PTPRN2: variants seen among roughly 807,000 people sequenced by gnomAD.
PTPRN2 encodes the protein receptor-type tyrosine-protein phosphatase N2.
PTPRN2 carries 74 observed loss-of-function variants against 118.8 expected under a neutral mutation model. The ratio of observed to expected loss-of-function variants is 0.62; its 90% confidence interval spans 0.52 to 0.76. The LOEUF is 0.76. Among genes scored for constraint, PTPRN2 ranks in the 30% least tolerant of loss-of-function variants. PTPRN2 has a pLI of 0.00. For synonymous variants in PTPRN2, 641 were observed against 608.0 expected, an observed-to-expected ratio of 1.05 and a Z score of -0.80; for missense variants, 1,481 against 1,394.4, an observed-to-expected ratio of 1.06 and a Z score of -0.99.
At chr7:158,082,416 C>G (rs2128932267) in intron 10 of PTPRN2, among the ~76,000 whole-genome samples, 1 of 152,304 alleles carries the variant, frequency 6.6e-6, no homozygotes, top group East Asian at 1.9e-4. Context: ...TACCTCAGTC[C>G]CAACCTCTGG....
At position 157,788,754 on chromosome 7, in the gene PTPRN2, C is replaced by T. The variant is rs74410133; in HGVS notation, c.1789-105817G>A. ...GCCACCCCACTGCCACGCGGGAGGC[C>T]TCGGGGGCCACATCTCCGCCATAGG... On this transcript the variant is annotated intron_variant, in intron 12 of 22. Transcript: ENST00000389418. 0.01 allele frequency among the ~76,000 whole-genome samples: 1,566 copies of T among 152,248 alleles called. 57 individuals are homozygous for T. In the South Asian group the frequency reaches 0.12, roughly 12 times the overall value.
At chr7:157,936,332 CCT>C (rs1307914422) in intron 11 of PTPRN2, among the ~76,000 whole-genome samples, 1 of 152,186 alleles carries the variant, frequency 6.6e-6, no homozygotes, top group African/African-American at 2.4e-5. Context: ...GCTCTGTGCC[CCT>C]GTCACGTTCA....
At chr7:157,652,713 C>T (rs1361893173) in intron 14 of PTPRN2, among the ~76,000 whole-genome samples, 2 of 152,230 alleles carry the variant, frequency 1.3e-5, no homozygotes, top group African/African-American at 4.8e-5. Flanking sequence ...CCTGGTGACA[C>T]CCAGTGGCTG....
At chr7:157,991,442 G>T (rs2128845463) in intron 11 of PTPRN2, among the ~76,000 whole-genome samples, 1 of 152,302 alleles carries the variant, frequency 6.6e-6, no homozygotes, top group Non-Finnish European at 1.5e-5. Flanking sequence ...GTGGAGTCCT[G>T]GCCCCACCCA....
chr7:157,946,074 A>G (rs1282690614), intron 11 of PTPRN2, among the ~76,000 whole-genome samples: 4 of 152,168 alleles, frequency 2.6e-5, no homozygotes, highest in African/African-American at 9.7e-5. Flanking sequence ...CAAACTTAGA[A>G]GCTCCTGGTT....
intron 16 of PTPRN2, among the ~76,000 whole-genome samples, chr7:157,602,256 A>G (rs1247783772): frequency 6.6e-6 from 1 of 152,266 alleles, no homozygotes; most frequent in East Asian, 1.9e-4. Flanking sequence ...CTCAAAGCTG[A>G]ACATGCTCAC....
At chr7:157,702,499 C>G (rs1475717806) in intron 12 of PTPRN2, among the ~76,000 whole-genome samples, 1 of 152,182 alleles carries the variant, frequency 6.6e-6, no homozygotes, top group Non-Finnish European at 1.5e-5. Context: ...GTGGGGAGCA[C>G]AGGGCTGCCT....
intron 3 of PTPRN2, among the ~76,000 whole-genome samples, chr7:158,281,571 T>C (rs1799425809): frequency 6.6e-6 from 1 of 152,208 alleles, no homozygotes; most frequent in Non-Finnish European, 1.5e-5. Context: ...TGCATGGAAA[T>C]GCTCGGGTGT....
intron 4 of PTPRN2, among the ~76,000 whole-genome samples, chr7:158,195,741 T>C (rs902403698): frequency 6.6e-6 from 1 of 152,224 alleles, no homozygotes; most frequent in Non-Finnish European, 1.5e-5. Context: ...CATGAAATTT[T>C]CCTGTCTCCT....
intron 6 of PTPRN2, among the ~76,000 whole-genome samples, chr7:158,146,438 T>G (rs544257621): frequency 7.8e-4 from 118 of 152,192 alleles, no homozygotes; most frequent in African/African-American, 2.7e-3. Context: ...TAAGAAATAA[T>G]AGGCTGGGCT....
intron 11 of PTPRN2, among the ~76,000 whole-genome samples, chr7:157,905,121 G>T (rs1369801735): frequency 1.3e-5 from 2 of 152,198 alleles, no homozygotes; most frequent in East Asian, 3.8e-4. Context: ...TCCTCTCGCG[G>T]GACTTTTGCC....
At chr7:158,318,279 A>C (rs1463167776) in intron 2 of PTPRN2, among the ~76,000 whole-genome samples, 1 of 152,154 alleles carries the variant, frequency 6.6e-6, no homozygotes, top group Non-Finnish European at 1.5e-5. Flanking sequence ...GAGGAGGGAG[A>C]AAGGGGCAAA....
intron 11 of PTPRN2, among the ~76,000 whole-genome samples, chr7:157,922,091 G>T (rs1238236442): frequency 6.6e-6 from 1 of 152,226 alleles, no homozygotes; most frequent in Non-Finnish European, 1.5e-5. Flanking sequence ...TTGAAGTGCA[G>T]ATGTCCCTGG....
intron 1 of PTPRN2, among the ~76,000 whole-genome samples, chr7:158,496,813 A>T (rs1563360011): frequency 2.0e-3 from 1 of 498 alleles, no homozygotes; most frequent in Admixed American, 0.036. Context: ...CCTTCCCTGC[A>T]GCCTCCCCTC....
At chr7:157,630,938 GT>G (rs911309918) in intron 14 of PTPRN2, among the ~76,000 whole-genome samples, 1 of 152,234 alleles carries the variant, frequency 6.6e-6, no homozygotes, top group Non-Finnish European at 1.5e-5. Context: ...GAACTGGGAA[GT>G]GGTCAACACA....
At chr7:157,652,344 A>G (rs529118105) in intron 14 of PTPRN2, among the ~76,000 whole-genome samples, 1 of 152,246 alleles carries the variant, frequency 6.6e-6, no homozygotes, top group South Asian at 2.1e-4. Context: ...TTTTACCCTC[A>G]CAGGAACCCC....
In PTPRN2 at chr7:157,615,836, C is replaced by G; in HGVS notation, c.2344+5526G>C. On this transcript the variant is annotated intron_variant, in intron 15 of 22. Transcript: ENST00000389418. This position sits in a 1 kb window ranked among gnomAD's most constrained non-coding sequence, Gnocchi z 4.3. ...TCACCAACGGGGGGTGGGGGGTGCG[C>G]GAGGCCCTGGGCTCCACCGAAGACC... 2.8e-6 allele frequency: 1 copy of G among 356,648 alleles called. No homozygotes were observed. 22.1% of individuals were successfully genotyped at this position (356,648 alleles called of 1,614,324 possible).
chr7:157,903,584 C>T lies in PTPRN2; in HGVS notation c.1724-4847G>A, dbSNP rs1281850634. The stretch of plus-strand genomic sequence containing the variant: ...TGACTGGACCTTTTAAAATGTAGTT[C>T]AGTCGGTTTAAATCAGCGATTGAAG... On this transcript the variant is annotated intron_variant, in intron 11 of 22. Transcript: ENST00000389418. The surrounding 1 kb of genome is among the most constrained non-coding windows in gnomAD (Gnocchi z 4.2). Among the ~76,000 whole-genome samples the T allele has an allele frequency of 6.6e-6, 1 of 151,894 alleles. No homozygotes were observed. Among genetic ancestry groups the T allele is most frequent in the Non-Finnish European group, 1.5e-5 (1 of 68,000 alleles).
chr7:157,816,169 C>A (rs1202794276), intron 12 of PTPRN2, among the ~76,000 whole-genome samples: 1 of 152,198 alleles, frequency 6.6e-6, no homozygotes, highest in Non-Finnish European at 1.5e-5. Context: ...CCAGAGACCC[C>A]CCAGCCCTGC....
Sources: allele counts gnomAD v4.1 joint callset (sites outside exome capture counted in the v4.1 genomes callset), GRCh38; gene constraint gnomAD v4.1.1; non-coding constraint Gnocchi (gnomAD v3.1); transcripts MANE v1.5; gene names NCBI Gene and HGNC (gene_info 2026-07-23, HGNC 2026-07-21).